Variants in CELF4 observed in about 807,000 individuals in gnomAD.
CELF4 encodes the protein CUG-BP- and ETR-3-like factor 4.
CELF4 carries 18 observed loss-of-function variants against 59.9 expected under a neutral mutation model. The ratio of observed to expected loss-of-function variants is 0.30; its 90% CI spans 0.21 to 0.45. The LOEUF (loss-of-function observed/expected upper bound fraction) is 0.45, where lower values mean the gene tolerates loss of function less well. Ranked by LOEUF, CELF4 falls within the 20% of genes least tolerant of loss-of-function variation. The probability of loss-of-function intolerance (pLI) is 1.00; values close to 1 mark genes in which losing one functional copy is unlikely to be tolerated. For missense variants in CELF4, 456 were observed against 689.0 expected (o/e 0.66, Z 3.79); for synonymous variants, 261 against 267.1 (o/e 0.98, Z 0.22).
intron 3 of CELF4, among the ~76,000 whole-genome samples, chr18:37,314,901 G>A (rs1305508219): frequency 1.3e-5 from 2 of 152,192 alleles, no homozygotes; most frequent in African/African-American, 4.8e-5. Flanking sequence ...AGACTCGGGA[G>A]CCTCTCAGTG....
At chr18:37,259,003 G>A in intron 11 of CELF4, 178 bp downstream of exon 11, 1 of 875,148 alleles carries the variant, frequency 1.1e-6, no homozygotes, top group Non-Finnish European at 1.8e-6. Flanking sequence ...GAGGGCCATG[G>A]AGCAGCTGGG....
chr18:37,263,534 G>C (rs183607979), intron 10 of CELF4, among the ~76,000 whole-genome samples: 192 of 152,200 alleles, frequency 1.3e-3, no homozygotes, highest in African/African-American at 4.4e-3. Flanking sequence ...ATGGGACCTT[G>C]TTAGTGTCCT....
At chr18:37,353,287 G>A (rs2098497837) in intron 2 of CELF4, among the ~76,000 whole-genome samples, 1 of 150,536 alleles carries the variant, frequency 6.6e-6, no homozygotes, top group South Asian at 2.1e-4. Context: ...TAGGGACCAG[G>A]GGTAAGCTCA....
intron 1 of CELF4, among the ~76,000 whole-genome samples, chr18:37,557,152 T>C (rs1436038270): frequency 2.0e-5 from 3 of 152,200 alleles, no homozygotes; most frequent in Admixed American, 2.0e-4. Flanking sequence ...TTAAGAGGTG[T>C]GGGCAGCGGA....
At chr18:37,462,275 C>G (rs2099795717) in intron 2 of CELF4, among the ~76,000 whole-genome samples, 1 of 152,160 alleles carries the variant, frequency 6.6e-6, no homozygotes, top group Non-Finnish European at 1.5e-5. Flanking sequence ...ATCACGGTCT[C>G]CTGGGGGTAT....
At chr18:37,500,996 T>C (rs2099931234) in intron 1 of CELF4, among the ~76,000 whole-genome samples, 1 of 152,174 alleles carries the variant, frequency 6.6e-6, no homozygotes, top group African/African-American at 2.4e-5. Flanking sequence ...CTACCCTTCC[T>C]GTGAGGTGTG....
intron 1 of CELF4, among the ~76,000 whole-genome samples, chr18:37,505,630 C>A (rs1190489188): frequency 6.6e-6 from 1 of 152,158 alleles, no homozygotes; most frequent in Non-Finnish European, 1.5e-5. Context: ...CAGTGGCTGG[C>A]AGGGGAGCAG....
intron 10 of CELF4, among the ~76,000 whole-genome samples, chr18:37,262,986 G>A (rs1280307154): frequency 6.6e-6 from 1 of 152,126 alleles, no homozygotes; most frequent in East Asian, 1.9e-4. Flanking sequence ...TGATGCCCCT[G>A]ATCTCAGAAG....
rs147826709 is a variant in CELF4 at position 37,494,228 on chromosome 18, C to T, written c.287-8621G>A. On this transcript the variant is annotated intron_variant, in intron 1 of 12. Coordinates refer to ENST00000420428, the MANE Select transcript of CELF4 (RefSeq NM_020180.4). ...AGCTTGAGAATTACATGTCTGGTGT[C>T]GGCTGCTCCATCTTTATAGCACTGT... Among the ~76,000 whole-genome samples the T allele has an allele frequency of 3.0e-3, 456 of 152,278 alleles. 2 individuals carry two copies. The highest frequency in any genetic ancestry group is 6.8e-3 in the Middle Eastern group (2 of 294).
intron 6 of CELF4, chr18:37,274,074 C>A (rs1053897751): frequency 4.4e-6 from 6 of 1,358,048 alleles, no homozygotes; most frequent in Non-Finnish European, 5.7e-6. Context: ...CTCAGCTCTG[C>A]CCCTTAGAAC....
Position 37,338,759 on chromosome 18 carries a change from CGTGTGTGTGT to C in CELF4, c.370-16888_370-16879del, listed in dbSNP as rs60532435. On this transcript the variant is annotated intron_variant, in intron 2 of 12. Coordinates refer to ENST00000420428, the MANE Select transcript of CELF4 (RefSeq NM_020180.4). Reference sequence around the variant, plus strand: ...TTAATGGACTTGAAAATGCAGGAGCCGTGTGTGTGTGTGTGTGTGTGTGTGTGTGTGTGTG... The same window carrying C: ...TTAATGGACTTGAAAATGCAGGAGCCGTGTGTGTGTGTGTGTGTGTGTGTG... Among the ~76,000 whole-genome samples, 57 of 145,658 alleles carry C rather than the reference CGTGTGTGTGT, an allele frequency of 3.9e-4. No homozygotes were observed. The South Asian group carries it at 0.012, about 29-fold the overall frequency.
At chr18:37,450,493 G>T (rs1029655809) in intron 2 of CELF4, among the ~76,000 whole-genome samples, 2 of 146,364 alleles carry the variant, frequency 1.4e-5, no homozygotes, top group South Asian at 2.3e-4. Flanking sequence ...CTGTCTCCCC[G>T]CCCCCTTTCC....
intron 2 of CELF4, among the ~76,000 whole-genome samples, chr18:37,334,516 G>C (rs2097690425): frequency 6.6e-6 from 1 of 152,118 alleles, no homozygotes; most frequent in Admixed American, 6.5e-5. Flanking sequence ...TGGCTGGGTG[G>C]GAGTGAGAAG....
At chr18:37,354,097 T>C (rs992574604) in intron 2 of CELF4, among the ~76,000 whole-genome samples, 1 of 151,994 alleles carries the variant, frequency 6.6e-6, no homozygotes, top group African/African-American at 2.4e-5. Flanking sequence ...GAGCCGGAGA[T>C]GTGAGTTTTT....
chr18:37,496,154 C>G (rs2099925018), intron 1 of CELF4, among the ~76,000 whole-genome samples: 1 of 152,214 alleles, frequency 6.6e-6, no homozygotes, highest in African/African-American at 2.4e-5. Flanking sequence ...CAGTGTAACC[C>G]TCCCAGCTTC....
chr18:37,449,136 G>A (rs1401591130), intron 2 of CELF4, among the ~76,000 whole-genome samples: 3 of 152,216 alleles, frequency 2.0e-5, no homozygotes, highest in African/African-American at 7.2e-5. Flanking sequence ...CAGCTCAGTA[G>A]CCTAGGTGTT....
intron 1 of CELF4, among the ~76,000 whole-genome samples, chr18:37,521,116 T>C (rs1289685194): frequency 2.0e-5 from 3 of 152,064 alleles, no homozygotes; most frequent in Non-Finnish European, 4.4e-5. Context: ...CTCTGGAGCC[T>C]CCTTCAACCA....
chr18:37,492,449 A>T (rs956504942), intron 1 of CELF4, among the ~76,000 whole-genome samples: 1 of 152,116 alleles, frequency 6.6e-6, no homozygotes, highest in Non-Finnish European at 1.5e-5. Context: ...CGCAAGAGGG[A>T]GGGAGGGAAA....
intron 2 of CELF4, among the ~76,000 whole-genome samples, chr18:37,360,333 C>T (rs933143383): frequency 6.6e-6 from 1 of 152,144 alleles, no homozygotes; most frequent in African/African-American, 2.4e-5. Context: ...CACTGCTGGG[C>T]CAGGGACCTC....
Sources: gnomAD v4.1 joint callset for allele counts (sites outside exome capture counted in the v4.1 genomes callset) on GRCh38, gnomAD v4.1.1 for gene constraint, MANE v1.5 for transcripts, NCBI Gene and HGNC (gene_info 2026-07-23, HGNC 2026-07-21) for gene names.